Variants in PDE4B observed in about 807,000 individuals in gnomAD.
The protein encoded by PDE4B is phosphodiesterase 4B.
A neutral mutation model predicts 82.2 loss-of-function variants in PDE4B; 20 were observed. That is an observed-to-expected ratio of 0.24 (90% CI 0.17 to 0.35). PDE4B has a LOEUF of 0.35. Among genes scored for constraint, PDE4B ranks in the 10% least tolerant of loss-of-function variants. PDE4B has a pLI of 1.00. For missense variants in PDE4B, 655 were observed against 907.2 expected (o/e 0.72, Z 3.57); for synonymous variants, 320 against 318.9 (o/e 1.00, Z -0.04).
intron 3 of PDE4B, among the ~76,000 whole-genome samples, chr1:65,939,413 C>G (rs1648325121): frequency 1.3e-5 from 2 of 152,118 alleles, no homozygotes; most frequent in South Asian, 2.1e-4. Flanking sequence ...AAGGTTACCA[C>G]AGGCCTGATA....
At chr1:65,890,448 G>T (rs992854287) in intron 1 of PDE4B, among the ~76,000 whole-genome samples, 5 of 152,064 alleles carry the variant, frequency 3.3e-5, no homozygotes, top group African/African-American at 9.7e-5. Context: ...ATTAGTTTCA[G>T]TTGAGCTTTG....
intron 3 of PDE4B, among the ~76,000 whole-genome samples, chr1:66,009,779 C>T (rs1478026761): frequency 6.6e-6 from 1 of 152,108 alleles, no homozygotes; most frequent in Non-Finnish European, 1.5e-5. Context: ...AATAGCAGTG[C>T]ACATCTTTGC....
At chr1:65,997,967 TAGG>T (rs1471071287) in intron 3 of PDE4B, among the ~76,000 whole-genome samples, 1 of 152,146 alleles carries the variant, frequency 6.6e-6, no homozygotes, top group Non-Finnish European at 1.5e-5. Context: ...GACAAATGAA[TAGG>T]AGTTTTCTAG....
chr1:66,241,512 T>A (rs1021459123), intron 3 of PDE4B, among the ~76,000 whole-genome samples: 5 of 152,172 alleles, frequency 3.3e-5, no homozygotes, highest in African/African-American at 1.2e-4. Context: ...TTTTTCTTTT[T>A]TTTTCTTTTT....
chr1:65,957,623 T>G (rs1352480956), intron 3 of PDE4B, among the ~76,000 whole-genome samples: 2 of 152,134 alleles, frequency 1.3e-5, no homozygotes, highest in Non-Finnish European at 2.9e-5. Flanking sequence ...TAGAAAGCCA[T>G]TTCTGGAAAT....
At chr1:65,951,366 T>C (rs1648985450) in intron 3 of PDE4B, among the ~76,000 whole-genome samples, 1 of 152,028 alleles carries the variant, frequency 6.6e-6, no homozygotes, top group Non-Finnish European at 1.5e-5. Flanking sequence ...GAAGGGATGA[T>C]ACAAAAGTAA....
At chr1:66,081,828 C>T (rs61796645) in intron 3 of PDE4B, among the ~76,000 whole-genome samples, 1 of 113,096 alleles carries the variant, frequency 8.8e-6, no homozygotes, top group South Asian at 3.7e-4. Flanking sequence ...CTCTCTCTCT[C>T]TCTCTGTGTG....
intron 3 of PDE4B, among the ~76,000 whole-genome samples, chr1:66,142,488 A>G (rs1386924966): frequency 1.3e-5 from 2 of 152,306 alleles, no homozygotes; most frequent in African/African-American, 2.4e-5. Flanking sequence ...ATGCCAACAC[A>G]CTAACAGTGG....
chr1:65,803,241 G>GT (rs1369415074), intron 1 of PDE4B, among the ~76,000 whole-genome samples: 1 of 152,054 alleles, frequency 6.6e-6, no homozygotes, highest in African/African-American at 2.4e-5. Context: ...TTTCTAGTTA[G>GT]TTTTTTCACA....
At chr1:65,877,994 AG>A (rs1242235370) in intron 1 of PDE4B, among the ~76,000 whole-genome samples, 1 of 152,184 alleles carries the variant, frequency 6.6e-6, no homozygotes, top group Non-Finnish European at 1.5e-5. Context: ...CATCTGAGAA[AG>A]GTCCAATATC....
intron 1 of PDE4B, among the ~76,000 whole-genome samples, chr1:65,832,986 G>A (rs558333646): frequency 1.2e-4 from 19 of 152,280 alleles, no homozygotes; most frequent in African/African-American, 3.1e-4. Context: ...TAAAGTTAAT[G>A]TGACTTTCTA....
chr1:66,356,571 T>C (rs1353546856), intron 9 of PDE4B, among the ~76,000 whole-genome samples: 1 of 152,232 alleles, frequency 6.6e-6, no homozygotes, highest in Non-Finnish European at 1.5e-5. Flanking sequence ...CTGCATCCTC[T>C]CTTCTTTTTG....
At chr1:66,304,237 A>AAG (rs1215402056) in intron 7 of PDE4B, among the ~76,000 whole-genome samples, 7 of 152,178 alleles carry the variant, frequency 4.6e-5, no homozygotes, top group Non-Finnish European at 1.0e-4. Flanking sequence ...TAAACATTAC[A>AAG]GGCATTGTGC....
chr1:66,090,241 A>G (rs1201092175), intron 3 of PDE4B, among the ~76,000 whole-genome samples: 1 of 152,032 alleles, frequency 6.6e-6, no homozygotes, highest in African/African-American at 2.4e-5. Context: ...TAGGCTTGGT[A>G]TAAAAGGAAG....
intron 3 of PDE4B, among the ~76,000 whole-genome samples, chr1:65,946,152 AG>A (rs1213095681): frequency 6.6e-6 from 1 of 151,968 alleles, no homozygotes; most frequent in Non-Finnish European, 1.5e-5. Flanking sequence ...GGTGTGAAAT[AG>A]GGGAGAAGCA....
rs374773720 is a variant in PDE4B, at chr1:66,079,255, G to A, written c.281+160420G>A. Among the ~76,000 whole-genome samples, 10 of 149,478 alleles carry A rather than the reference G, an allele frequency of 6.7e-5. 1 individual carries two copies. The East Asian group carries it at 1.4e-3, about 21-fold the overall frequency. On this transcript the variant is annotated intron_variant, in intron 3 of 16. Transcript: ENST00000341517. ...CATTTAATGCTTTTTTATTTTCAGT[G>A]GACCCTGGGGAGTGGACAAGTATTT...
intron 3 of PDE4B, among the ~76,000 whole-genome samples, chr1:66,147,655 G>A (rs1396875825): frequency 6.6e-6 from 1 of 152,208 alleles, no homozygotes; most frequent in African/African-American, 2.4e-5. Flanking sequence ...ACTTCAGAAT[G>A]GAATGAGCAA....
chr1:66,317,852 A>T (rs2101883803), intron 7 of PDE4B, among the ~76,000 whole-genome samples: 2 of 152,316 alleles, frequency 1.3e-5, no homozygotes, highest in South Asian at 4.1e-4. Flanking sequence ...AGCCGTGATC[A>T]CGCCATTGTG....
At chr1:66,154,058 T>C (rs542819085) in intron 3 of PDE4B, among the ~76,000 whole-genome samples, 33 of 152,320 alleles carry the variant, frequency 2.2e-4, no homozygotes, top group African/African-American at 5.5e-4. Flanking sequence ...TTTACCTTTT[T>C]ATCTTCCCTT....
Sources: gnomAD v4.1 joint callset for allele counts (sites outside exome capture counted in the v4.1 genomes callset) on GRCh38, gnomAD v4.1.1 for gene constraint, MANE v1.5 for transcripts, NCBI Gene and HGNC (gene_info 2026-07-23, HGNC 2026-07-21) for gene names.